CD2AP: variants seen among roughly 807,000 people sequenced by gnomAD.
CD2AP encodes the protein CD2 associated protein.
In CD2AP, 46 loss-of-function variants were observed where a neutral mutation model predicts 85.1. The ratio of observed to expected loss-of-function variants is 0.54; its 90% CI spans 0.43 to 0.69. The LOEUF (loss-of-function observed/expected upper bound fraction) is 0.69, where lower values mean the gene tolerates loss of function less well. Among genes scored for constraint, CD2AP ranks in the 30% least tolerant of loss-of-function variants. The pLI is 0.00. For synonymous variants in CD2AP, 255 were observed against 252.9 expected (o/e 1.01, Z -0.08); for missense variants, 769 against 729.5 (o/e 1.05, Z -0.62).
chr6:47,538,072 C>A (rs1483654734), intron 3 of CD2AP, among the ~76,000 whole-genome samples: 1 of 151,472 alleles, frequency 6.6e-6, no homozygotes, highest in Non-Finnish European at 1.5e-5. Flanking sequence ...TAAAAAGATA[C>A]GACTGTATGA....
chr6:47,516,285 T>A (rs573609250), intron 2 of CD2AP, among the ~76,000 whole-genome samples: 63 of 152,328 alleles, frequency 4.1e-4, no homozygotes, highest in Middle Eastern at 3.4e-3. Context: ...TTGTGGCAAG[T>A]CATTGTCAAT....
chr6:47,559,309 G>T (rs550160077), intron 5 of CD2AP, among the ~76,000 whole-genome samples: 2 of 150,422 alleles, frequency 1.3e-5, no homozygotes, highest in African/African-American at 2.4e-5. Context: ...GCCGAGCCTG[G>T]TGTGCAGTAG....
chr6:47,555,734 G>A (rs780097102), intron 5 of CD2AP, among the ~76,000 whole-genome samples: 2 of 151,860 alleles, frequency 1.3e-5, no homozygotes, highest in African/African-American at 4.8e-5. Flanking sequence ...TTAGTCTTCC[G>A]TGATGGCAGA....
At chr6:47,611,863 G>T (rs1769450043) in intron 16 of CD2AP, among the ~76,000 whole-genome samples, 5 of 151,884 alleles carry the variant, frequency 3.3e-5, no homozygotes, top group African/African-American at 9.7e-5. Context: ...GCATGAAAAT[G>T]GTTTAAAATT....
In CD2AP at chr6:47,478,086, C is replaced by T. The variant is rs1765348392; in HGVS notation, c.-159C>T. The stretch of plus-strand genomic sequence containing the variant: ...GCTGAAGAGACTGGTAGGAGAGCGC[C>T]GCGGGCGGATGGAGGCGACTCTTCG... On this transcript the variant is annotated 5_prime_UTR_variant, in exon 1 of 18. Coordinates refer to ENST00000359314, the MANE Select transcript of CD2AP (RefSeq NM_012120.3). 9.8e-6 allele frequency: 9 copies of T among 922,636 alleles called. 1 individual carries two copies. Among genetic ancestry groups the T allele is most frequent in the Middle Eastern group, 3.3e-4 (1 of 3,046 alleles). The allele number at this position is 922,636 out of a possible 1,614,324, so 57.2% of individuals were successfully genotyped here.
intron 8 of CD2AP, among the ~76,000 whole-genome samples, chr6:47,578,037 C>T (rs1303129398): frequency 1.5e-5 from 2 of 131,734 alleles, no homozygotes; most frequent in East Asian, 4.0e-4. Context: ...CACATAGTTA[C>T]CTTTTTTGTT....
chr6:47,483,332 G>A (rs374751457), intron 1 of CD2AP, among the ~76,000 whole-genome samples: 5 of 152,156 alleles, frequency 3.3e-5, no homozygotes, highest in Admixed American at 6.5e-5. Flanking sequence ...AAAGTGCAGC[G>A]TGTACATGTA....
chr6:47,497,579 A>G (rs1399593239), intron 1 of CD2AP, among the ~76,000 whole-genome samples: 1 of 151,742 alleles, frequency 6.6e-6, no homozygotes, highest in Non-Finnish European at 1.5e-5. Context: ...TCCTGACTAC[A>G]TTTTTTTGGT....
intron 16 of CD2AP, chr6:47,609,637 T>C (rs1769375996): frequency 8.6e-6 from 2 of 232,838 alleles, no homozygotes; most frequent in South Asian, 1.4e-4. Flanking sequence ...AAGTCAAGGC[T>C]GCAGTGAGCC....
intron 4 of CD2AP, 122 bp from the exon 5 acceptor site, chr6:47,554,524 A>G: frequency 2.2e-6 from 2 of 892,224 alleles, no homozygotes; most frequent in Non-Finnish European, 3.5e-6. Context: ...TTTAAATTTT[A>G]AAGGGTTTAT....
At position 47,552,055 on chromosome 6, in the gene CD2AP, G is replaced by T. The variant is rs547176694; in HGVS notation, c.421-2591G>T. Among the ~76,000 whole-genome samples, 32 of 152,138 alleles carry T rather than the reference G, an allele frequency of 2.1e-4. No homozygotes were observed. The East Asian group carries it at 2.9e-3, about 14-fold the overall frequency. On this transcript the variant is annotated intron_variant, in intron 4 of 17. Transcript: ENST00000359314. ...AGAGACCACCACTTCTTGGTGGGAGGAGTGTCAAGGTCACAATTGTAGGAT... is the reference window on the plus strand; with the variant it reads ...AGAGACCACCACTTCTTGGTGGGAGTAGTGTCAAGGTCACAATTGTAGGAT...
At chr6:47,609,010 C>T in intron 15 of CD2AP, 113 bp from the exon 16 acceptor site, 1 of 749,936 alleles carries the variant, frequency 1.3e-6, no homozygotes, top group Non-Finnish European at 2.1e-6. Context: ...TTTGAATTTC[C>T]AAATTTGCCA....
intron 3 of CD2AP, among the ~76,000 whole-genome samples, chr6:47,535,028 C>A (rs191383124): frequency 6.6e-5 from 10 of 152,074 alleles, no homozygotes; most frequent in Admixed American, 1.3e-4. Flanking sequence ...AACTCCCGGG[C>A]TCAAGTGATT....
intron 5 of CD2AP, among the ~76,000 whole-genome samples, chr6:47,564,946 T>G (rs1013618204): frequency 6.6e-6 from 1 of 152,100 alleles, no homozygotes; most frequent in African/African-American, 2.4e-5. Flanking sequence ...TCTTTTAAAT[T>G]TAATAGTGTT....
rs550630682 is a variant in CD2AP, at chr6:47,576,006, C to T, written c.730-518C>T. Among the ~76,000 whole-genome samples the T allele has an allele frequency of 3.9e-4, 59 of 152,212 alleles. No homozygotes were observed. In the South Asian group the frequency reaches 0.012, roughly 30 times the overall value. On this transcript the variant is annotated intron_variant, in intron 6 of 17. Coordinates refer to ENST00000359314, the MANE Select transcript of CD2AP (RefSeq NM_012120.3). ...TATGAGGCTACTAGTCCTATTTGCACTATTTATATAAAGTGTTTAGCCCAG... is the reference window on the plus strand; with the variant it reads ...TATGAGGCTACTAGTCCTATTTGCATTATTTATATAAAGTGTTTAGCCCAG...
intron 8 of CD2AP, among the ~76,000 whole-genome samples, chr6:47,578,866 AGGCT>A (rs1284207009): frequency 6.6e-6 from 1 of 152,074 alleles, no homozygotes; most frequent in African/African-American, 2.4e-5. Context: ...CTTGTTGGTC[AGGCT>A]GGTCTCAAAC....
At chr6:47,512,128 AGC>A (rs953557823) in intron 2 of CD2AP, among the ~76,000 whole-genome samples, 93 of 152,096 alleles carry the variant, frequency 6.1e-4, no homozygotes, top group African/African-American at 2.2e-3. Flanking sequence ...ACTGCACTCC[AGC>A]CTGGGCAACA....
At chr6:47,484,341 G>A (rs891523595) in intron 1 of CD2AP, among the ~76,000 whole-genome samples, 2 of 142,920 alleles carry the variant, frequency 1.4e-5, no homozygotes, top group African/African-American at 5.2e-5. Context: ...GACTAAACTT[G>A]ATATTACCTC....
chr6:47,483,435 G>C (rs1003745752), intron 1 of CD2AP, among the ~76,000 whole-genome samples: 1 of 152,158 alleles, frequency 6.6e-6, no homozygotes, highest in Non-Finnish European at 1.5e-5. Context: ...GGAGGAAATG[G>C]GGTCTGGCAG....
Sources: allele counts gnomAD v4.1 joint callset (sites outside exome capture counted in the v4.1 genomes callset), GRCh38; gene constraint gnomAD v4.1.1; transcripts MANE v1.5; gene names NCBI Gene and HGNC (gene_info 2026-07-23, HGNC 2026-07-21).